The following TMEM108 variants were observed in gnomAD, a reference collection of about 807,000 sequenced individuals.
TMEM108 encodes transmembrane protein 108.
In TMEM108, 12 loss-of-function variants were observed where a neutral mutation model predicts 35.1. That is an observed-to-expected ratio of 0.34 (90% CI 0.22 to 0.55). TMEM108 has a LOEUF of 0.55. Among genes scored for constraint, TMEM108 ranks in the 20% least tolerant of loss-of-function variants. The pLI is 0.89. For synonymous variants in TMEM108, 287 were observed against 308.6 expected (o/e 0.93, Z 0.73); for missense variants, 680 against 753.3 (o/e 0.90, Z 1.14).
chr3:133,232,968 A>G (rs1305709522), intron 3 of TMEM108, among the ~76,000 whole-genome samples: 5 of 151,734 alleles, frequency 3.3e-5, no homozygotes, highest in African/African-American at 1.2e-4. Context: ...AGCTAGTCCT[A>G]AGAATACTTG....
At chr3:133,389,292 G>A in intron 4 of TMEM108, 1 of 985,486 alleles carries the variant, frequency 1.0e-6, no homozygotes. Context: ...AGGGTCACAT[G>A]TCACACTGTG....
intron 2 of TMEM108, among the ~76,000 whole-genome samples, chr3:133,121,153 C>T (rs1426494163): frequency 2.0e-5 from 3 of 152,174 alleles, no homozygotes; most frequent in Non-Finnish European, 4.4e-5. Flanking sequence ...TGGACTCTTC[C>T]CTCAGAAACA....
intron 3 of TMEM108, among the ~76,000 whole-genome samples, chr3:133,229,696 C>T (rs1946122836): frequency 6.6e-6 from 1 of 152,092 alleles, no homozygotes; most frequent in African/African-American, 2.4e-5. Context: ...ACATTATTGC[C>T]TTTAGTTTAG....
chr3:133,255,905 C>G (rs1451059132), intron 3 of TMEM108, among the ~76,000 whole-genome samples: 1 of 152,162 alleles, frequency 6.6e-6, no homozygotes, highest in Non-Finnish European at 1.5e-5. Flanking sequence ...AGGAGAATTG[C>G]TTGAACCTAG....
chr3:133,166,086 C>T (rs1017544099), intron 2 of TMEM108, among the ~76,000 whole-genome samples: 20 of 152,162 alleles, frequency 1.3e-4, no homozygotes, highest in Non-Finnish European at 7.3e-5. Flanking sequence ...CATCTGTGAG[C>T]TGGATGAGTT....
At chr3:133,365,805 G>A (rs1239722681) in intron 3 of TMEM108, among the ~76,000 whole-genome samples, 2 of 152,290 alleles carry the variant, frequency 1.3e-5, no homozygotes, top group Middle Eastern at 3.4e-3. Context: ...AACAGCCCTA[G>A]AGAGCCTGCC....
At chr3:133,358,329 G>A (rs773319822) in intron 3 of TMEM108, among the ~76,000 whole-genome samples, 2 of 151,920 alleles carry the variant, frequency 1.3e-5, no homozygotes, top group East Asian at 1.9e-4. Flanking sequence ...GAACCACTAC[G>A]CCTGGCTAAT....
At chr3:133,275,812 GAAAA>G (rs796642793) in intron 3 of TMEM108, among the ~76,000 whole-genome samples, 1 of 151,116 alleles carries the variant, frequency 6.6e-6, no homozygotes, top group Non-Finnish European at 1.5e-5. Context: ...TGAGTAACAG[GAAAA>G]AAAAACTTTC....
At position 133,342,544 on chromosome 3, in the gene TMEM108, G is replaced by GTGTATATATATATA. The variant is rs1437254898; in HGVS notation, c.41-37207_41-37206insGTATATATATATAT. 4.3e-3 allele frequency among the ~76,000 whole-genome samples: 202 copies of GTGTATATATATATA among 46,656 alleles called. 28 individuals carry two copies. Among genetic ancestry groups the GTGTATATATATATA allele is most frequent in the Middle Eastern group, 0.036 (3 of 84 alleles). 30.6% of individuals were successfully genotyped at this position (46,656 alleles called of 152,430 possible). ...TAAAAAAGTTAAAAAAGAAAATGTG[G>GTGTATATATATATA]TATATATATATACACACACACACAC... On this transcript the variant is annotated intron_variant, in intron 3 of 5. Transcript: ENST00000321871.
Position 133,379,877 on chromosome 3 carries a change from A to G in TMEM108, c.166A>G (p.Ser56Gly), listed in dbSNP as rs1303009645. Residue 56 changes from serine to glycine, a missense_variant, in exon 4 of 6, where the codon AGC becomes GGC. Around this residue, in one of 3 missense-constraint regions of TMEM108, gnomAD observed 49 missense variants for 70.6 expected, o/e 0.69. Transcript: ENST00000321871. ...GGGAACCATGGTGACAGCACCCCACAGCTCTACCAGACATACTTCTGTGGT... is the reference window on the plus strand; with the variant it reads ...GGGAACCATGGTGACAGCACCCCACGGCTCTACCAGACATACTTCTGTGGT... The part of the protein sequence containing the change: ...PPGTMVTAPH[S>G]STRHTSVVML... 1 of 1,613,578 alleles carries G rather than the reference A, an allele frequency of 6.2e-7. No homozygotes were observed. The highest frequency in any genetic ancestry group is 8.5e-7 in the Non-Finnish European group (1 of 1,179,874).
Position 133,308,589 on chromosome 3 carries a change from G to A in TMEM108, c.41-71163G>A, listed in dbSNP as rs1013851633. 4.9e-4 allele frequency among the ~76,000 whole-genome samples: 75 copies of A among 151,702 alleles called. 1 individual carries two copies. Among genetic ancestry groups the A allele is most frequent in the Admixed American group, 1.6e-3 (25 of 15,258 alleles). On this transcript the variant is annotated intron_variant, in intron 3 of 5. Coordinates refer to ENST00000321871, the MANE Select transcript of TMEM108 (RefSeq NM_023943.4). ...GTATGAAGGGCTGTTGAATTTTGTC[G>A]AAGGCCTTTTCTGCACCTATTGAGA...
At chr3:133,152,763 A>G (rs895665721) in intron 2 of TMEM108, among the ~76,000 whole-genome samples, 1 of 152,136 alleles carries the variant, frequency 6.6e-6, no homozygotes, top group South Asian at 2.1e-4. Context: ...TTAAAAGAGA[A>G]CCAATTTAAA....
intron 2 of TMEM108, among the ~76,000 whole-genome samples, chr3:133,176,731 G>A (rs898234965): frequency 6.6e-5 from 10 of 151,970 alleles, no homozygotes; most frequent in Non-Finnish European, 1.2e-4. Flanking sequence ...ATCTAAAATC[G>A]ACACCAACAT....
intron 2 of TMEM108, among the ~76,000 whole-genome samples, chr3:133,098,440 G>A (rs886521206): frequency 6.6e-6 from 1 of 152,072 alleles, no homozygotes; most frequent in Admixed American, 6.5e-5. Flanking sequence ...TTTGCCCTTG[G>A]CCCCTCTAAA....
chr3:133,148,375 G>A (rs2107764234), intron 2 of TMEM108, among the ~76,000 whole-genome samples: 1 of 152,264 alleles, frequency 6.6e-6, no homozygotes, highest in South Asian at 2.1e-4. Context: ...TCTTGGGGAA[G>A]TTGGAAAATG....
chr3:133,215,260 G>C (rs1576387962), intron 2 of TMEM108, among the ~76,000 whole-genome samples: 1 of 151,498 alleles, frequency 6.6e-6, no homozygotes. Flanking sequence ...TTCTGTAAAA[G>C]CTACATCACA....
At chr3:133,378,973 T>TGTGCTAA (rs1268029683) in intron 3 of TMEM108, among the ~76,000 whole-genome samples, 1 of 152,194 alleles carries the variant, frequency 6.6e-6, no homozygotes, top group Admixed American at 6.5e-5. Flanking sequence ...TGTTCCAGGC[T>TGTGCTAA]GTGCTAAGTG....
At chr3:133,282,847 A>G (rs1343500571) in intron 3 of TMEM108, among the ~76,000 whole-genome samples, 1 of 152,254 alleles carries the variant, frequency 6.6e-6, no homozygotes, top group Non-Finnish European at 1.5e-5. Context: ...AAAAAAAAGT[A>G]CCACTATTTA....
At chr3:133,165,635 T>G (rs1241138243) in intron 2 of TMEM108, among the ~76,000 whole-genome samples, 2 of 152,198 alleles carry the variant, frequency 1.3e-5, no homozygotes. Flanking sequence ...AGACTTTATT[T>G]TTTCTTAAGA....
Sources: gnomAD v4.1 joint callset for allele counts (sites outside exome capture counted in the v4.1 genomes callset) on GRCh38, gnomAD v4.1.1 for gene constraint, gnomAD v4.1.1 regional missense constraint, MANE v1.5 for transcripts, NCBI Gene and HGNC (gene_info 2026-07-23, HGNC 2026-07-21) for gene names.